MGA: variants seen among roughly 807,000 people sequenced by gnomAD.
MGA encodes the protein MAX gene-associated protein.
A neutral mutation model predicts 261.1 loss-of-function variants in MGA; 40 were observed. The ratio of observed to expected loss-of-function variants is 0.15; its 90% CI spans 0.12 to 0.20. The LOEUF (loss-of-function observed/expected upper bound fraction) is 0.20, where lower values mean the gene tolerates loss of function less well. Ranked by LOEUF, MGA falls within the 10% of genes least tolerant of loss-of-function variation. The pLI is 1.00. For missense variants in MGA, 3,397 were observed against 3,630.5 expected (o/e 0.94, Z 1.65); for synonymous variants, 1,302 against 1,290.6 (o/e 1.01, Z -0.19).
At chr15:41,711,848 A>G (rs2060404394) in intron 8 of MGA, among the ~76,000 whole-genome samples, 1 of 152,018 alleles carries the variant, frequency 6.6e-6, no homozygotes. Flanking sequence ...GGCACATACC[A>G]CTGCACCTGG....
chr15:41,763,654 A>G (rs1402959818), intron 22 of MGA, among the ~76,000 whole-genome samples: 1 of 151,616 alleles, frequency 6.6e-6, no homozygotes, highest in African/African-American at 2.4e-5. Context: ...GAGGCAGGAG[A>G]ATCACTTTAA....
rs78233726 is a variant in MGA, at chr15:41,750,898, C to T, written c.7008+283C>T. The T allele has an allele frequency of 5.3e-3, 1,356 of 258,100 alleles. 13 individuals carry two copies. The highest frequency in any genetic ancestry group is 0.029 in the African/African-American group (1,295 of 45,194). 16.0% of individuals were successfully genotyped at this position (258,100 alleles called of 1,614,324 possible). A position where few individuals can be genotyped will look rare whatever the true frequency, so the allele number is the denominator to read the frequency against. On this transcript the variant is annotated intron_variant, in intron 17 of 23. Transcript: ENST00000219905. ...CTACCGAGTTAGATTTTTAAAATCC[C>T]GAAACCACTACTCCCATTTGACCTC... is the stretch of plus-strand genomic sequence containing the variant.
Position 41,754,494 on chromosome 15 carries a change from G to C in MGA, c.7066G>C (p.Glu2356Gln). The C allele has an allele frequency of 6.4e-7, 1 of 1,571,314 alleles. No individual in the cohort carries two copies. Among genetic ancestry groups the C allele is most frequent in the Non-Finnish European group, 8.6e-7 (1 of 1,156,338 alleles). Residue 2356 changes from glutamate to glutamine, a missense_variant, in exon 18 of 24, where the codon GAA (glutamate) becomes CAA (glutamine). Around this residue, in one of 9 missense-constraint regions of MGA, gnomAD observed 1,410 missense variants for 1,386.4 expected, o/e 1.02. Transcript: ENST00000219905. ...GGAGCACGTGGACATTGAGACTGTA[G>C]AAGAGCTCTCAGAGGAAATTAATGT...
At chr15:41,744,106 C>G (rs1332009868) in intron 15 of MGA, among the ~76,000 whole-genome samples, 10 of 152,090 alleles carry the variant, frequency 6.6e-5, no homozygotes, top group African/African-American at 1.7e-4. Context: ...AAATTCCTCT[C>G]TGTCTTTTAT....
At chr15:41,703,742 A>C (rs1447192921) in intron 5 of MGA, among the ~76,000 whole-genome samples, 6 of 152,174 alleles carry the variant, frequency 3.9e-5, no homozygotes. Flanking sequence ...ACTGTCTCAA[A>C]AAATAAAAAT....
chr15:41,685,349 C>T (rs1017019817), intron 2 of MGA, among the ~76,000 whole-genome samples: 6 of 152,068 alleles, frequency 3.9e-5, no homozygotes, highest in African/African-American at 4.8e-5. Context: ...TGGGCAATAC[C>T]GTGCTGTCTT....
At chr15:41,643,911 ACT>A (rs370598896) in intron 1 of MGA, among the ~76,000 whole-genome samples, 5 of 151,396 alleles carry the variant, frequency 3.3e-5, no homozygotes, top group African/African-American at 1.2e-4. Flanking sequence ...CAAGGTTGTG[ACT>A]CTTTCTCATT....
intron 2 of MGA, among the ~76,000 whole-genome samples, chr15:41,686,084 TAG>T (rs559710008): frequency 3.3e-5 from 5 of 152,280 alleles, no homozygotes; most frequent in Admixed American, 3.3e-4. Context: ...TACTAATTTA[TAG>T]AGTCCTTTAG....
intron 1 of MGA, among the ~76,000 whole-genome samples, chr15:41,643,214 T>A (rs2056861322): frequency 6.7e-6 from 1 of 149,536 alleles, no homozygotes; most frequent in South Asian, 2.1e-4. Context: ...CTTTTTTTTT[T>A]TTTTAATTTA....
intron 1 of MGA, chr15:41,621,520 C>T (rs2056281348): frequency 6.6e-6 from 1 of 152,260 alleles, no homozygotes; most frequent in African/African-American, 2.4e-5. Flanking sequence ...GCCGGGTGGT[C>T]CAGCAGCGCG....
intron 12 of MGA, among the ~76,000 whole-genome samples, chr15:41,735,753 A>G (rs933315360): frequency 6.6e-6 from 1 of 152,116 alleles, no homozygotes; most frequent in African/African-American, 2.4e-5. Flanking sequence ...AAAAATCAGA[A>G]TACTATTTTT....
At chr15:41,684,546 T>C in intron 2 of MGA, 1 of 320,362 alleles carries the variant, frequency 3.1e-6, no homozygotes, top group Non-Finnish European at 6.2e-6. Flanking sequence ...AGAGTGTTTA[T>C]AACTTACCAA....
upstream of MGA, among the ~76,000 whole-genome samples, chr15:41,657,508 C>A (rs2057231369): frequency 1.3e-5 from 2 of 151,936 alleles, no homozygotes; most frequent in Admixed American, 1.3e-4. Flanking sequence ...CGCACGCCAC[C>A]ATGCCCGGCT....
At chr15:41,745,685 G>A (rs185861263) in intron 15 of MGA, among the ~76,000 whole-genome samples, 33 of 151,480 alleles carry the variant, frequency 2.2e-4, no homozygotes, top group Middle Eastern at 3.4e-3. Context: ...GCTCCCTGCA[G>A]CCTCTACATC....
At position 41,736,666 on chromosome 15, in the gene MGA, A is replaced by G; in HGVS notation, c.4402A>G (p.Lys1468Glu). The change falls in exon 13 of 24, where the codon AAA becomes GAA. Residue 1468 changes from lysine to glutamate, a missense_variant. By Grantham distance (56) the Lys-to-Glu change is moderately conservative. Transcript: ENST00000219905. Reference sequence around the variant, plus strand: ...AGGGAAGCTTGTGGCCTATAAACGTAAACCCAGTTCAAGTACATCTGGGCT... The same window carrying G: ...AGGGAAGCTTGTGGCCTATAAACGTGAACCCAGTTCAAGTACATCTGGGCT... 6.2e-7 allele frequency: 1 copy of G among 1,612,894 alleles called. No individual in the cohort carries two copies. Among genetic ancestry groups the G allele is most frequent in the Non-Finnish European group, 8.5e-7 (1 of 1,179,394 alleles).
intron 11 of MGA, among the ~76,000 whole-genome samples, chr15:41,733,869 G>C (rs998135450): frequency 8.0e-5 from 12 of 150,896 alleles, no homozygotes; most frequent in Admixed American, 2.0e-4. Flanking sequence ...TTATTAATTT[G>C]TCTGTAATTA....
At chr15:41,692,042 C>G (rs2059318781) in intron 2 of MGA, among the ~76,000 whole-genome samples, 1 of 152,096 alleles carries the variant, frequency 6.6e-6, no homozygotes, top group African/African-American at 2.4e-5. Flanking sequence ...GTCTTTTTGG[C>G]AGGGCAGTTA....
intron 1 of MGA, among the ~76,000 whole-genome samples, chr15:41,622,096 C>T (rs567599739): frequency 5.7e-4 from 86 of 152,204 alleles, no homozygotes; most frequent in African/African-American, 1.9e-3. Flanking sequence ...CTGTGGTTTT[C>T]CAGCGTCTTT....
intron 20 of MGA, 51 bp downstream of exon 20, chr15:41,760,580 C>A (rs954324765): frequency 1.3e-6 from 2 of 1,549,348 alleles, no homozygotes; most frequent in South Asian, 1.1e-5. Context: ...AGATTCTTAC[C>A]GATGATATGA....
Sources: gnomAD v4.1 joint callset for allele counts (sites outside exome capture counted in the v4.1 genomes callset) on GRCh38, gnomAD v4.1.1 for gene constraint, gnomAD v4.1.1 regional missense constraint, MANE v1.5 for transcripts, NCBI Gene and HGNC (gene_info 2026-07-23, HGNC 2026-07-21) for gene names.